The following KIF13B variants were observed in gnomAD, a reference collection of about 807,000 sequenced individuals.
The protein encoded by KIF13B is kinesin-like protein KIF13B.
Under a neutral mutation model 222.0 loss-of-function variants are expected in KIF13B, and 127 were observed. The ratio of observed to expected loss-of-function variants is 0.57; its 90% CI spans 0.50 to 0.66. KIF13B has a LOEUF of 0.66. KIF13B is among the 30% of genes least tolerant of loss of function. The pLI is 0.00. For missense variants in KIF13B, 2,173 were observed against 2,379.0 expected, an observed-to-expected ratio of 0.91 and a Z score of 1.80; for synonymous variants, 976 against 919.0, an observed-to-expected ratio of 1.06 and a Z score of -1.12.
At chr8:29,122,180 G>A (rs1809895419) in intron 29 of KIF13B, among the ~76,000 whole-genome samples, 2 of 151,380 alleles carry the variant, frequency 1.3e-5, no homozygotes, top group African/African-American at 4.9e-5. Flanking sequence ...CTTGAACCGG[G>A]GAGGTGGAGG....
intron 14 of KIF13B, among the ~76,000 whole-genome samples, chr8:29,153,711 G>A (rs1431896047): frequency 6.7e-6 from 1 of 149,934 alleles, no homozygotes. Context: ...CTTATTTTCT[G>A]TACACTACAC....
At chr8:29,117,837 C>T (rs565477794) in intron 30 of KIF13B, among the ~76,000 whole-genome samples, 1 of 152,322 alleles carries the variant, frequency 6.6e-6, no homozygotes, top group East Asian at 1.9e-4. Context: ...GATGTCACCA[C>T]ACTGCTTTCA....
At position 29,071,718 on chromosome 8, in the gene KIF13B, A is replaced by T; in HGVS notation, c.5120T>A (p.Val1707Asp). 6.5e-7 allele frequency: 1 copy of T among 1,550,198 alleles called. No homozygotes were observed. Among genetic ancestry groups the T allele is most frequent in the Non-Finnish European group, 8.7e-7 (1 of 1,146,796 alleles). The change falls in exon 39 of 40, where the codon GTC (valine) becomes GAC (aspartate). Residue 1707 changes from valine (V) to aspartate (D), a missense_variant. Transcript: ENST00000524189. This position sits in a 1 kb window ranked among gnomAD's most constrained non-coding sequence, Gnocchi z 4.9. Reference sequence around the variant, plus strand: ...GCCCGTTTTGTGGGCGCCCACGGTGACGAACTCGCCCTCTCGGAGCCACTC... The same window carrying T: ...GCCCGTTTTGTGGGCGCCCACGGTGTCGAACTCGCCCTCTCGGAGCCACTC... ...VPEWLREGEF[V>D]TVGAHKTGVV...
intron 34 of KIF13B, 141 bp downstream of exon 34, chr8:29,109,293 G>C: frequency 1.5e-6 from 1 of 681,654 alleles, no homozygotes; most frequent in Non-Finnish European, 2.6e-6. Context: ...CCAGTGGGGT[G>C]GAGACCAGGG....
At chr8:29,222,282 C>T (rs1479521597) in intron 2 of KIF13B, among the ~76,000 whole-genome samples, 4 of 152,062 alleles carry the variant, frequency 2.6e-5, no homozygotes, top group African/African-American at 9.7e-5. Flanking sequence ...CCCAGGAGGT[C>T]AAGGTTGCAG....
At chr8:29,183,187 T>TC (rs1554614596) in intron 6 of KIF13B, among the ~76,000 whole-genome samples, 7 of 150,252 alleles carry the variant, frequency 4.7e-5, no homozygotes, top group South Asian at 2.1e-4. Context: ...TTTTTTTTTT[T>TC]CCAATGGAGT....
intron 29 of KIF13B, among the ~76,000 whole-genome samples, chr8:29,121,881 A>AT (rs1323527031): frequency 3.3e-5 from 5 of 152,218 alleles, no homozygotes; most frequent in Admixed American, 3.3e-4. Flanking sequence ...GATAATGCTA[A>AT]GAAAACACCA....
chr8:29,098,789 A>T (rs560715262), intron 36 of KIF13B, among the ~76,000 whole-genome samples: 8 of 152,178 alleles, frequency 5.3e-5, no homozygotes, highest in Non-Finnish European at 1.0e-4. Flanking sequence ...TTATGAAGCC[A>T]ATGCAATCAT....
intron 12 of KIF13B, among the ~76,000 whole-genome samples, chr8:29,163,423 C>T (rs1811866009): frequency 6.6e-6 from 1 of 152,160 alleles, no homozygotes; most frequent in African/African-American, 2.4e-5. Flanking sequence ...AGCTAACTTG[C>T]AACTGCCCCC....
rs781525515 is a variant in KIF13B, at chr8:29,146,532, G to A, written c.2033C>T (p.Thr678Met). Residue 678 changes from threonine to methionine, a missense_variant, in exon 18 of 40, where the codon ACG (threonine) becomes ATG (methionine). Thr to Met is a moderately conservative substitution (Grantham distance 81). Coordinates refer to ENST00000524189, the MANE Select transcript of KIF13B (RefSeq NM_015254.4). Reference sequence around the variant, plus strand: ...CAGCCTCATCAGGCTGTTATTCAACGTTGCTTCTCTAAAAAAAAATAAAGA... The same window carrying A: ...CAGCCTCATCAGGCTGTTATTCAACATTGCTTCTCTAAAAAAAAATAAAGA... ...LRQWAEEREA[T>M]LNNSLMRLRE... 23 of 1,612,330 alleles carry A rather than the reference G, an allele frequency of 1.4e-5. No individual in the cohort carries two copies. The highest frequency in any genetic ancestry group is 3.3e-5 in the South Asian group (3 of 90,748).
intron 2 of KIF13B, among the ~76,000 whole-genome samples, chr8:29,240,612 A>T (rs1815731906): frequency 2.0e-5 from 3 of 152,250 alleles, no homozygotes; most frequent in African/African-American, 7.2e-5. Flanking sequence ...AAAATAAGTA[A>T]GTACTGCTCA....
chr8:29,181,714 T>C (rs1475441187), intron 7 of KIF13B, among the ~76,000 whole-genome samples: 2 of 152,262 alleles, frequency 1.3e-5, no homozygotes, highest in Non-Finnish European at 1.5e-5. Flanking sequence ...CTGATAACTT[T>C]TCATTTAAAA....
At chr8:29,186,242 G>C (rs138166486) in intron 6 of KIF13B, 50 bp downstream of exon 6, 1 of 1,434,576 alleles carries the variant, frequency 7.0e-7, no homozygotes, top group East Asian at 2.3e-5. Flanking sequence ...GCCAATTTAA[G>C]TCTGTTTCAG....
At chr8:29,250,048 T>C (rs1324651517) in intron 1 of KIF13B, 18 of 1,288,968 alleles carry the variant, frequency 1.4e-5, no homozygotes, top group Admixed American at 2.3e-5. Flanking sequence ...TAATGGAATC[T>C]GACCATATTG....
In KIF13B at chr8:29,070,726, C is replaced by T; in HGVS notation, c.5259G>A (p.Arg1753=). The change falls in exon 40 of 40, where the codon AGG becomes AGA. Residue 1753 remains arginine, a synonymous_variant. Coordinates refer to ENST00000524189, the MANE Select transcript of KIF13B (RefSeq NM_015254.4). This position sits in a 1 kb window ranked among gnomAD's most constrained non-coding sequence, Gnocchi z 4.1. ...DGSIGGKQYF[R]CNPGYGLLVR... Reference sequence around the variant, plus strand: ...CCAGCAGCCCGTAGCCAGGGTTACACCTGAAGTACTGCTTCCCGCCGATGG... The same window carrying T: ...CCAGCAGCCCGTAGCCAGGGTTACATCTGAAGTACTGCTTCCCGCCGATGG... 5 of 1,564,754 alleles carry T rather than the reference C, an allele frequency of 3.2e-6. No homozygotes were observed. The highest frequency in any genetic ancestry group is 2.4e-5 in the East Asian group (1 of 41,876).
chr8:29,172,117 G>A (rs1187776901), intron 10 of KIF13B, among the ~76,000 whole-genome samples: 15 of 131,380 alleles, frequency 1.1e-4, no homozygotes, highest in South Asian at 2.4e-4. Flanking sequence ...GTCTCACTCC[G>A]TCGCCCAGGC....
intron 26 of KIF13B, among the ~76,000 whole-genome samples, chr8:29,125,894 G>A (rs1245316317): frequency 6.6e-6 from 1 of 152,132 alleles, no homozygotes; most frequent in Non-Finnish European, 1.5e-5. Context: ...GGATCACAAG[G>A]TCAGGAATTC....
At chr8:29,108,360 CA>C (rs1446678072) in intron 34 of KIF13B, among the ~76,000 whole-genome samples, 168 bp from the exon 35 acceptor site, 3 of 152,218 alleles carry the variant, frequency 2.0e-5, no homozygotes, top group Non-Finnish European at 4.4e-5. Context: ...ACATTACAAA[CA>C]TTGAATTGGT....
intron 2 of KIF13B, among the ~76,000 whole-genome samples, chr8:29,207,653 C>A (rs1814012544): frequency 6.6e-6 from 1 of 151,422 alleles, no homozygotes; most frequent in East Asian, 1.9e-4. Context: ...ATTGGAATTC[C>A]ATTTATCAAC....
Sources: gnomAD v4.1 joint callset for allele counts (sites outside exome capture counted in the v4.1 genomes callset) on GRCh38, gnomAD v4.1.1 for gene constraint, Gnocchi (gnomAD v3.1) non-coding constraint, MANE v1.5 for transcripts, NCBI Gene and HGNC (gene_info 2026-07-23, HGNC 2026-07-21) for gene names.